Variants in RAB27A observed in about 807,000 individuals in gnomAD.
RAB27A encodes the protein ras-related protein Rab-27A.
A neutral mutation model predicts 20.8 loss-of-function variants in RAB27A; 17 were observed. That is an observed-to-expected ratio of 0.82 (90% CI 0.56 to 1.23). The LOEUF (loss-of-function observed/expected upper bound fraction) is 1.23. Among genes scored for constraint, RAB27A ranks in the 50% most tolerant of loss-of-function variants. The pLI is 0.00. For synonymous variants in RAB27A, 85 were observed against 92.8 expected, an observed-to-expected ratio of 0.92 and a Z score of 0.48; for missense variants, 277 against 266.7, an observed-to-expected ratio of 1.04 and a Z score of -0.27.
intron 6 of RAB27A, among the ~76,000 whole-genome samples, chr15:55,218,567 T>TATTAATG (rs1895419275): frequency 6.6e-6 from 1 of 152,194 alleles, no homozygotes; most frequent in Non-Finnish European, 1.5e-5. Flanking sequence ...ATACTGATAT[T>TATTAATG]ATTAATGTTG....
intron 2 of RAB27A, among the ~76,000 whole-genome samples, chr15:55,250,894 C>A (rs1228332807): frequency 6.6e-6 from 1 of 152,182 alleles, no homozygotes; most frequent in East Asian, 1.9e-4. Context: ...CAAATAAAAT[C>A]TTACATGGCA....
At chr15:55,307,455 C>G (rs1426026495) in intron 2 of RAB27A, among the ~76,000 whole-genome samples, 4 of 151,954 alleles carry the variant, frequency 2.6e-5, no homozygotes, top group Non-Finnish European at 5.9e-5. Flanking sequence ...TTTTCTCAAC[C>G]TTCCCTGAGG....
At chr15:55,222,708 GA>G (rs1467393205) in intron 6 of RAB27A, among the ~76,000 whole-genome samples, 1 of 152,072 alleles carries the variant, frequency 6.6e-6, no homozygotes, top group Non-Finnish European at 1.5e-5. Flanking sequence ...AATAAAAAGG[GA>G]AAGGTTTTCT....
intron 6 of RAB27A, among the ~76,000 whole-genome samples, chr15:55,222,701 A>G (rs983763557): frequency 1.4e-4 from 22 of 152,132 alleles, no homozygotes; most frequent in Non-Finnish European, 2.9e-4. Flanking sequence ...ATCACACAAT[A>G]AAAAGGGAAA....
intron 2 of RAB27A, among the ~76,000 whole-genome samples, chr15:55,310,818 T>G (rs2055017075): frequency 6.6e-6 from 1 of 152,212 alleles, no homozygotes; most frequent in African/African-American, 2.4e-5. Flanking sequence ...AAACTTATCC[T>G]CTAAGATTAG....
chr15:55,211,832 A>G (rs1895040019), intron 6 of RAB27A, among the ~76,000 whole-genome samples: 2 of 152,306 alleles, frequency 1.3e-5, no homozygotes, highest in Admixed American at 6.5e-5. Flanking sequence ...ACAAAATAGG[A>G]AATGTCTTCT....
chr15:55,268,503 G>A (rs537753648), intron 2 of RAB27A, among the ~76,000 whole-genome samples: 3 of 152,336 alleles, frequency 2.0e-5, no homozygotes, highest in African/African-American at 7.2e-5. Context: ...CCTTCCAGGT[G>A]TCTCTTGTGG....
intron 2 of RAB27A, among the ~76,000 whole-genome samples, chr15:55,253,862 T>C (rs1379149688): frequency 6.6e-6 from 1 of 152,132 alleles, no homozygotes; most frequent in Non-Finnish European, 1.5e-5. Flanking sequence ...TAAAGGAAAT[T>C]GTAGACAAGA....
rs4627269 is a variant in RAB27A, at chr15:55,209,814, A to G, written c.468-4109T>C. Among the ~76,000 whole-genome samples the G allele has an allele frequency of 4.7e-3, 641 of 136,764 alleles. 172 individuals are homozygous for G. The highest frequency in any genetic ancestry group is 0.019 in the African/African-American group (606 of 31,326). 89.7% of individuals were successfully genotyped at this position (136,764 alleles called of 152,430 possible). A position where few individuals can be genotyped will look rare whatever the true frequency, so the allele number is the denominator to read the frequency against. On this transcript the variant is annotated intron_variant, in intron 6 of 6. Transcript: ENST00000336787. ...TGTGTATGTATACATATATACACAC[A>G]TGTGTGTATATATACATATATGTGT...
rs747927730 is a variant in RAB27A, at chr15:55,205,604, T to A, written c.569A>T (p.Asp190Val). The change falls in exon 7 of 7, where the codon GAC becomes GTC. Residue 190 changes from aspartate (D) to valine (V), a missense_variant. By Grantham distance (152) the Asp-to-Val change is radical. Transcript: ENST00000336787. ...LIMKRMERCVDKSWIPEGVVR... is the reference protein window; with the variant it reads ...LIMKRMERCVVKSWIPEGVVR... ...CACTCCTTCAGGAATCCAGGACTTGTCCACACACCGTTCCATTCGCTTCAT... is the reference window on the plus strand; with the variant it reads ...CACTCCTTCAGGAATCCAGGACTTGACCACACACCGTTCCATTCGCTTCAT... 1.2e-6 allele frequency: 2 copies of A among 1,614,160 alleles called. No homozygotes were observed. The highest frequency in any genetic ancestry group is 4.5e-5 in the East Asian group (2 of 44,876).
At chr15:55,290,870 C>G (rs1898289446), upstream of RAB27A, among the ~76,000 whole-genome samples, 1 of 152,248 alleles carries the variant, frequency 6.6e-6, no homozygotes, top group Admixed American at 6.5e-5. Flanking sequence ...CTTAGTTCAG[C>G]TTCCCTTCTG....
At chr15:55,273,003 GAAGAA>G (rs1463169353) in intron 1 of RAB27A, among the ~76,000 whole-genome samples, 4 of 152,108 alleles carry the variant, frequency 2.6e-5, no homozygotes, top group Admixed American at 6.6e-5. Context: ...ACCAAGAGAA[GAAGAA>G]AAGAAAGAAC....
rs1017809523 is a variant in RAB27A at position 55,268,415 on chromosome 15, T to C, written c.-23+1750A>G. On this transcript the variant is annotated intron_variant, in intron 2 of 6. Transcript: ENST00000336787. The stretch of plus-strand genomic sequence containing the variant: ...AGCCTCAATTTCTTCATCTGTAAAA[T>C]GAGAAGAATGGACTGGGTGAATATG... Among the ~76,000 whole-genome samples the C allele has an allele frequency of 3.3e-5, 5 of 152,210 alleles. No individual in the cohort carries two copies. In the South Asian group the frequency reaches 1.0e-3, roughly 31 times the overall value.
chr15:55,232,317 C>G (rs1423943643), intron 3 of RAB27A, among the ~76,000 whole-genome samples: 1 of 152,126 alleles, frequency 6.6e-6, no homozygotes, highest in African/African-American at 2.4e-5. Context: ...AAACAAACAG[C>G]AACGACAAAA....
rs564336257 is a variant in RAB27A, at chr15:55,318,553, A to C, written c.-234+378T>G. ...CCCCGTCTCTACAAAAAAACACAAA[A>C]ATTGGCCAGGCGTGGTGGCGCGCCT... On this transcript the variant is annotated intron_variant, in intron 1 of 5. Transcript: ENST00000563262. Among the ~76,000 whole-genome samples, 21 of 151,266 alleles carry C rather than the reference A, an allele frequency of 1.4e-4. No homozygotes were observed. The East Asian group carries it at 3.8e-3, about 27-fold the overall frequency.
At chr15:55,301,307 T>C (rs2054970466) in intron 2 of RAB27A, among the ~76,000 whole-genome samples, 1 of 152,142 alleles carries the variant, frequency 6.6e-6, no homozygotes, top group South Asian at 2.1e-4. Flanking sequence ...GCCATTAAAA[T>C]GTCATTTAAA....
intron 2 of RAB27A, among the ~76,000 whole-genome samples, chr15:55,262,358 A>C (rs1009426199): frequency 5.3e-5 from 8 of 151,906 alleles, no homozygotes; most frequent in African/African-American, 1.9e-4. Flanking sequence ...TGGCTAACAC[A>C]GTGAAACCTC....
chr15:55,278,183 G>C (rs1015572382), intron 1 of RAB27A, among the ~76,000 whole-genome samples: 1 of 152,094 alleles, frequency 6.6e-6, no homozygotes, highest in Non-Finnish European at 1.5e-5. Flanking sequence ...TTCCCATTTT[G>C]TAACACACAT....
chr15:55,310,662 T>G (rs1310236636), intron 2 of RAB27A, among the ~76,000 whole-genome samples: 1 of 152,094 alleles, frequency 6.6e-6, no homozygotes, highest in African/African-American at 2.4e-5. Flanking sequence ...TTTTTTTAAA[T>G]CCCATTTGTC....
Sources: allele counts gnomAD v4.1 joint callset (sites outside exome capture counted in the v4.1 genomes callset), GRCh38; gene constraint gnomAD v4.1.1; transcripts MANE v1.5; gene names NCBI Gene and HGNC (gene_info 2026-07-23, HGNC 2026-07-21).